Variants in PALM2AKAP2 observed in about 807,000 individuals in gnomAD.
PALM2AKAP2 encodes PALM2-AKAP2 fusion protein.
A neutral mutation model predicts 71.5 loss-of-function variants in PALM2AKAP2; 37 were observed. That is an observed-to-expected ratio of 0.52 (90% CI 0.40 to 0.68). The LOEUF (loss-of-function observed/expected upper bound fraction) is 0.68. PALM2AKAP2 is among the 30% of genes least tolerant of loss of function. The probability of loss-of-function intolerance (pLI) is 0.00; values close to 1 mark genes in which losing one functional copy is unlikely to be tolerated. For missense variants in PALM2AKAP2, 1,224 were observed against 1,191.8 expected, an observed-to-expected ratio of 1.03 and a Z score of -0.40; for synonymous variants, 468 against 478.8, an observed-to-expected ratio of 0.98 and a Z score of 0.29.
intron 1 of PALM2AKAP2, among the ~76,000 whole-genome samples, chr9:109,843,528 T>C (rs1348799326): frequency 6.6e-6 from 1 of 152,136 alleles, no homozygotes; most frequent in Non-Finnish European, 1.5e-5. Context: ...AATATATATA[T>C]ATACACACAT....
intron 1 of PALM2AKAP2, among the ~76,000 whole-genome samples, chr9:109,702,708 C>A (rs1194495072): frequency 2.7e-5 from 4 of 150,402 alleles, no homozygotes; most frequent in Admixed American, 2.0e-4. Flanking sequence ...CTAACATGTA[C>A]CTGCATGTTG....
chr9:110,010,532 T>C (rs1393855554), intron 6 of PALM2AKAP2, among the ~76,000 whole-genome samples: 2 of 144,732 alleles, frequency 1.4e-5, no homozygotes, highest in Non-Finnish European at 3.0e-5. Flanking sequence ...ATATAAATTC[T>C]CTACATATAT....
At chr9:109,711,311 T>C (rs1432980600) in intron 1 of PALM2AKAP2, among the ~76,000 whole-genome samples, 1 of 152,158 alleles carries the variant, frequency 6.6e-6, no homozygotes, top group Non-Finnish European at 1.5e-5. Flanking sequence ...ACAGGAGAGT[T>C]TGTTGAAATA....
chr9:109,669,025 G>A (rs1827534270), intron 1 of PALM2AKAP2, among the ~76,000 whole-genome samples: 1 of 152,176 alleles, frequency 6.6e-6, no homozygotes, highest in Admixed American at 6.5e-5. Flanking sequence ...TAATATCATT[G>A]CCTCAAGTCT....
intron 1 of PALM2AKAP2, among the ~76,000 whole-genome samples, chr9:110,059,823 G>T (rs1443970579): frequency 2.6e-5 from 4 of 152,196 alleles, no homozygotes; most frequent in African/African-American, 9.7e-5. Flanking sequence ...GGAATGACTA[G>T]GGGGTGGAGA....
chr9:110,153,519 G>GCCTTTTCCTTAA (rs1836374293), intron 2 of PALM2AKAP2, among the ~76,000 whole-genome samples: 2 of 152,236 alleles, frequency 1.3e-5, no homozygotes, highest in Non-Finnish European at 2.9e-5. Flanking sequence ...TTTTGGTGAA[G>GCCTTTTCCTTAA]GCATTTAAGC....
intron 1 of PALM2AKAP2, among the ~76,000 whole-genome samples, chr9:109,681,259 C>A (rs1341135727): frequency 6.6e-6 from 1 of 152,236 alleles, no homozygotes; most frequent in Non-Finnish European, 1.5e-5. Context: ...AGCTTTTTAA[C>A]ATCCTGTTAG....
At chr9:109,803,057 T>C (rs1320178675) in intron 1 of PALM2AKAP2, among the ~76,000 whole-genome samples, 1 of 152,218 alleles carries the variant, frequency 6.6e-6, no homozygotes, top group African/African-American at 2.4e-5. Context: ...TCTGTGTTTG[T>C]TTGCTTGCTT....
chr9:109,858,179 G>A (rs903219861), intron 1 of PALM2AKAP2, among the ~76,000 whole-genome samples: 2 of 152,154 alleles, frequency 1.3e-5, no homozygotes, highest in African/African-American at 4.8e-5. Flanking sequence ...ATGCTTACTA[G>A]CCATGTGACC....
At chr9:110,070,855 G>A (rs574320040) in intron 1 of PALM2AKAP2, among the ~76,000 whole-genome samples, 14 of 151,996 alleles carry the variant, frequency 9.2e-5, no homozygotes, top group South Asian at 2.1e-4. Context: ...ATACCCATCC[G>A]GCAAGTTTCG....
Position 109,838,798 on chromosome 9 carries a change from GCACATACACCCTTGCAAGA to G in PALM2AKAP2, c.46-28679_46-28661del, listed in dbSNP as rs1828562543. Among the ~76,000 whole-genome samples the G allele has an allele frequency of 2.0e-5, 3 of 151,978 alleles. No homozygotes were observed. In the South Asian group the frequency reaches 6.3e-4, roughly 32 times the overall value. ...CTAGAAGAAATGGATAAATTCCTAG[GCACATACACCCTTGCAAGA>G]CACATACACCCTTCCAGGAAGAAGT... On this transcript the variant is annotated intron_variant, in intron 1 of 9. Coordinates refer to the PALM2AKAP2 transcript ENST00000302798.
At chr9:109,666,778 A>G (rs1827491621) in intron 1 of PALM2AKAP2, among the ~76,000 whole-genome samples, 1 of 152,234 alleles carries the variant, frequency 6.6e-6, no homozygotes, top group Non-Finnish European at 1.5e-5. Flanking sequence ...GGAAAAAAAC[A>G]TAGCAAAAGC....
intron 1 of PALM2AKAP2, among the ~76,000 whole-genome samples, chr9:109,840,814 T>C (rs1193808845): frequency 1.3e-5 from 2 of 152,118 alleles, no homozygotes; most frequent in East Asian, 1.9e-4. Context: ...AAAACCACAA[T>C]GAGATACCAT....
chr9:109,675,650 A>T (rs1587863277), intron 1 of PALM2AKAP2, among the ~76,000 whole-genome samples: 1 of 152,212 alleles, frequency 6.6e-6, no homozygotes, highest in Admixed American at 6.5e-5. Context: ...ATTGCAGTCA[A>T]CTAGGTGTAT....
At chr9:110,071,866 C>T (rs1022650611) in intron 1 of PALM2AKAP2, among the ~76,000 whole-genome samples, 8 of 152,124 alleles carry the variant, frequency 5.3e-5, no homozygotes, top group Admixed American at 2.0e-4. Flanking sequence ...ATATAGTCTT[C>T]GTAGGACTTG....
At chr9:110,106,397 A>T (rs1835121989) in intron 1 of PALM2AKAP2, among the ~76,000 whole-genome samples, 1 of 152,216 alleles carries the variant, frequency 6.6e-6, no homozygotes, top group Non-Finnish European at 1.5e-5. Context: ...GCGTCTAAAT[A>T]TGTGAAATGA....
chr9:110,049,740 C>A (rs1270726396), intron 1 of PALM2AKAP2, among the ~76,000 whole-genome samples: 2 of 152,120 alleles, frequency 1.3e-5, no homozygotes, highest in Admixed American at 6.5e-5. Context: ...CCAAGAAATC[C>A]CAGAGAAACG....
intron 6 of PALM2AKAP2, among the ~76,000 whole-genome samples, chr9:109,942,215 A>G (rs373359087): frequency 1.6e-4 from 24 of 152,248 alleles, no homozygotes; most frequent in African/African-American, 5.5e-4. Flanking sequence ...TGACCCACCT[A>G]TGAAAACCTT....
At chr9:109,655,740 A>G (rs1827295145) in intron 1 of PALM2AKAP2, among the ~76,000 whole-genome samples, 1 of 152,126 alleles carries the variant, frequency 6.6e-6, no homozygotes, top group Non-Finnish European at 1.5e-5. Context: ...TTGAAGGTTT[A>G]TCCCTGTTGT....
Sources: gnomAD v4.1 joint callset for allele counts (sites outside exome capture counted in the v4.1 genomes callset) on GRCh38, gnomAD v4.1.1 for gene constraint, MANE v1.5 for transcripts, NCBI Gene and HGNC (gene_info 2026-07-23, HGNC 2026-07-21) for gene names.